Variants in CDH18 observed in about 807,000 individuals in gnomAD.
CDH18 encodes cadherin 18.
Under a neutral mutation model 67.9 loss-of-function variants are expected in CDH18, and 31 were observed. The observed-to-expected ratio is 0.46, with a 90% CI of 0.34 to 0.62. The LOEUF (loss-of-function observed/expected upper bound fraction) is 0.62, where lower values mean the gene tolerates loss of function less well. CDH18 is among the 20% of genes least tolerant of loss of function. CDH18 has a pLI of 0.01. For missense variants in CDH18, 890 were observed against 975.5 expected, an observed-to-expected ratio of 0.91 and a Z score of 1.17; for synonymous variants, 362 against 347.2, an observed-to-expected ratio of 1.04 and a Z score of -0.48.
chr5:19,965,179 A>G (rs1310966527), intron 2 of CDH18, among the ~76,000 whole-genome samples: 2 of 152,172 alleles, frequency 1.3e-5, no homozygotes, highest in African/African-American at 4.8e-5. Flanking sequence ...ATCTCACTCT[A>G]TGAAGAATAA....
rs553895294 is a variant in CDH18, at chr5:19,689,292, T to C, written c.643+32055A>G. ...AAACAAAGAGCAGGGTGTCTTGTTA[T>C]ATGTAAGAGAACTCTCAGCAGATTG... On this transcript the variant is annotated intron_variant, in intron 5 of 12. Transcript: ENST00000382275. 5.9e-5 allele frequency among the ~76,000 whole-genome samples: 9 copies of C among 152,148 alleles called. No individual in the cohort carries two copies. The South Asian group carries it at 1.9e-3, about 32-fold the overall frequency.
At chr5:20,370,090 C>G (rs1255079364) in intron 1 of CDH18, among the ~76,000 whole-genome samples, 2 of 152,064 alleles carry the variant, frequency 1.3e-5, no homozygotes, top group Non-Finnish European at 2.9e-5. Flanking sequence ...TTAGTAATTA[C>G]TACCATCTCT....
chr5:20,321,054 T>G lies in CDH18; in HGVS notation c.-579-65549A>C, dbSNP rs377280438. On this transcript the variant is annotated intron_variant, in intron 1 of 14. Transcript: ENST00000507958. The stretch of plus-strand genomic sequence containing the variant: ...CCTCTCTTTTCCATTATTCCCTCTC[T>G]TTCCTTGGCTTTCTCTTTTTCCGCT... 5.3e-5 allele frequency among the ~76,000 whole-genome samples: 8 copies of G among 152,306 alleles called. No homozygotes were observed. The East Asian group carries it at 1.4e-3, about 26-fold the overall frequency.
intron 6 of CDH18, among the ~76,000 whole-genome samples, chr5:19,599,902 A>C (rs918837724): frequency 6.6e-6 from 1 of 152,042 alleles, no homozygotes; most frequent in African/African-American, 2.4e-5. Flanking sequence ...AAACAAGACA[A>C]AAACAAAAAC....
chr5:20,342,097 A>G (rs2150044719), intron 1 of CDH18, among the ~76,000 whole-genome samples: 1 of 152,232 alleles, frequency 6.6e-6, no homozygotes, highest in East Asian at 1.9e-4. Context: ...AAATTACGGA[A>G]AAACAAACAT....
chr5:20,071,945 G>A (rs1159768804), intron 2 of CDH18, among the ~76,000 whole-genome samples: 1 of 152,042 alleles, frequency 6.6e-6, no homozygotes, highest in East Asian at 1.9e-4. Context: ...GTAACTTGGA[G>A]ACCTACACCT....
chr5:19,690,184 A>G lies in CDH18; in HGVS notation c.643+31163T>C, dbSNP rs140721792. Among the ~76,000 whole-genome samples, 7 of 151,596 alleles carry G rather than the reference A, an allele frequency of 4.6e-5. No homozygotes were observed. The South Asian group carries it at 8.3e-4, about 18-fold the overall frequency. On this transcript the variant is annotated intron_variant, in intron 5 of 12. Transcript: ENST00000382275. ...TATACAAATGCATGGAAATCAATCAACTTGGTCCTGAATGACCAGTAGGTC... is the reference window on the plus strand; with the variant it reads ...TATACAAATGCATGGAAATCAATCAGCTTGGTCCTGAATGACCAGTAGGTC...
At chr5:19,919,307 A>G (rs201241664) in intron 2 of CDH18, among the ~76,000 whole-genome samples, 4 of 152,140 alleles carry the variant, frequency 2.6e-5, no homozygotes, top group Admixed American at 1.3e-4. Flanking sequence ...GTCAACATCA[A>G]TTAAATATTT....
At chr5:20,534,061 G>C (rs548449284) in intron 1 of CDH18, among the ~76,000 whole-genome samples, 1 of 151,962 alleles carries the variant, frequency 6.6e-6, no homozygotes, top group African/African-American at 2.4e-5. Context: ...AAAGAAAAGT[G>C]TCTTGAATAT....
intron 4 of CDH18, among the ~76,000 whole-genome samples, chr5:19,728,568 G>A (rs978247922): frequency 7.2e-5 from 11 of 152,088 alleles, no homozygotes; most frequent in East Asian, 5.8e-4. Context: ...TAAACAGCAC[G>A]TATTTTGCAT....
At chr5:19,971,144 G>A (rs1432552089) in intron 2 of CDH18, among the ~76,000 whole-genome samples, 3 of 151,716 alleles carry the variant, frequency 2.0e-5, no homozygotes, top group African/African-American at 7.2e-5. Flanking sequence ...GCTTATTGAT[G>A]AAATGCTAGT....
chr5:19,728,035 A>G (rs902523194), intron 4 of CDH18, among the ~76,000 whole-genome samples: 2 of 152,138 alleles, frequency 1.3e-5, no homozygotes, highest in African/African-American at 2.4e-5. Flanking sequence ...GCATAGTAGA[A>G]AAGAAAAAAA....
intron 1 of CDH18, among the ~76,000 whole-genome samples, chr5:20,571,457 C>A (rs558815987): frequency 6.6e-6 from 1 of 152,076 alleles, no homozygotes; most frequent in Non-Finnish European, 1.5e-5. Flanking sequence ...AGTCACATTG[C>A]TTAATAATTT....
At chr5:20,466,909 C>T (rs903418311) in intron 1 of CDH18, among the ~76,000 whole-genome samples, 1 of 151,978 alleles carries the variant, frequency 6.6e-6, no homozygotes, top group African/African-American at 2.4e-5. Context: ...CTTTCATCAC[C>T]CTCATAAAAT....
intron 9 of CDH18, among the ~76,000 whole-genome samples, chr5:19,542,400 C>T (rs2127070479): frequency 6.6e-6 from 1 of 152,268 alleles, no homozygotes; most frequent in South Asian, 2.1e-4. Flanking sequence ...GAGTTACCAG[C>T]AATTTCACTC....
chr5:20,574,375 A>G (rs1259849824), intron 1 of CDH18, among the ~76,000 whole-genome samples: 1 of 151,944 alleles, frequency 6.6e-6, no homozygotes, highest in Non-Finnish European at 1.5e-5. Context: ...AGTTTTGCTG[A>G]CTTATCACAG....
chr5:20,444,290 T>C (rs1022191338), intron 1 of CDH18, among the ~76,000 whole-genome samples: 2 of 152,244 alleles, frequency 1.3e-5, no homozygotes, highest in African/African-American at 4.8e-5. Context: ...ACTTTAGCTG[T>C]TTAAACTATT....
intron 1 of CDH18, among the ~76,000 whole-genome samples, chr5:20,472,551 A>C (rs73767533): frequency 0.055 from 8,366 of 152,236 alleles, 764 homozygotes; most frequent in African/African-American, 0.19. Context: ...TGCTCTAAAA[A>C]AATAAAGTTT....
chr5:20,286,888 C>T (rs975251157), intron 1 of CDH18, among the ~76,000 whole-genome samples: 62 of 151,780 alleles, frequency 4.1e-4, no homozygotes, highest in Non-Finnish European at 3.4e-4. Context: ...CATTCACCTG[C>T]ATCACAAAAT....
Sources: allele counts gnomAD v4.1 joint callset (sites outside exome capture counted in the v4.1 genomes callset), GRCh38; gene constraint gnomAD v4.1.1; transcripts MANE v1.5; gene names NCBI Gene and HGNC (gene_info 2026-07-23, HGNC 2026-07-21).